Variants in TMEM178B observed in about 807,000 individuals in gnomAD.
TMEM178B encodes transmembrane protein 178B.
A neutral mutation model predicts 31.0 loss-of-function variants in TMEM178B; 5 were observed. That is an observed-to-expected ratio of 0.16 (90% CI 0.08 to 0.34). TMEM178B has a LOEUF of 0.34. Among genes scored for constraint, TMEM178B ranks in the 10% least tolerant of loss-of-function variants. TMEM178B has a pLI of 1.00. For synonymous variants in TMEM178B, 164 were observed against 164.0 expected, an observed-to-expected ratio of 1.00 and a Z score of 0.00; for missense variants, 275 against 400.3, an observed-to-expected ratio of 0.69 and a Z score of 2.67.
chr7:141,462,885 C>T (rs1379481801), intron 3 of TMEM178B, among the ~76,000 whole-genome samples: 3 of 151,734 alleles, frequency 2.0e-5, no homozygotes, highest in South Asian at 2.1e-4. Context: ...ATGGGAGTTG[C>T]GAGGTGATGT....
At chr7:141,361,949 G>T (rs899762688) in intron 2 of TMEM178B, among the ~76,000 whole-genome samples, 2 of 152,196 alleles carry the variant, frequency 1.3e-5, no homozygotes, top group Non-Finnish European at 2.9e-5. Context: ...ATGGAAATTT[G>T]TCTTTGTGAC....
At chr7:141,200,451 A>G (rs1009530579) in intron 1 of TMEM178B, among the ~76,000 whole-genome samples, 2 of 152,024 alleles carry the variant, frequency 1.3e-5, no homozygotes, top group African/African-American at 4.8e-5. Context: ...GGAGCTGTGG[A>G]ATGAAAAGTG....
At chr7:141,507,713 C>G in the TMEM178B span, among the ~76,000 whole-genome samples, 1 of 152,222 alleles carries the variant, frequency 6.6e-6, no homozygotes, top group Non-Finnish European at 1.5e-5. Context: ...AGGCTCAACA[C>G]CACATGGAAG....
intron 1 of TMEM178B, among the ~76,000 whole-genome samples, chr7:141,138,092 C>T (rs560403490): frequency 5.5e-4 from 82 of 149,156 alleles, no homozygotes; most frequent in African/African-American, 1.8e-3. Flanking sequence ...GACAGAGTCT[C>T]GCTCAGTCGC....
intron 2 of TMEM178B, among the ~76,000 whole-genome samples, chr7:141,350,017 A>C (rs935037175): frequency 2.0e-5 from 3 of 152,062 alleles, no homozygotes; most frequent in Admixed American, 6.6e-5. Flanking sequence ...CCATCCATGC[A>C]TCTATCTGTC....
chr7:141,439,629 C>T (rs1243724588), intron 3 of TMEM178B, among the ~76,000 whole-genome samples: 1 of 152,168 alleles, frequency 6.6e-6, no homozygotes, highest in Non-Finnish European at 1.5e-5. Context: ...TGAGTGTTCT[C>T]TCTAAGACTC....
At chr7:141,448,519 A>G (rs1418299287) in intron 3 of TMEM178B, among the ~76,000 whole-genome samples, 2 of 152,162 alleles carry the variant, frequency 1.3e-5, no homozygotes, top group African/African-American at 4.8e-5. Context: ...AAGTTCCTGT[A>G]ATGAAACAAT....
chr7:141,156,532 G>A (rs1796073039), intron 1 of TMEM178B, among the ~76,000 whole-genome samples: 1 of 152,172 alleles, frequency 6.6e-6, no homozygotes, highest in South Asian at 2.1e-4. Context: ...TGGACACCTT[G>A]AAAGATGATG....
intron 2 of TMEM178B, among the ~76,000 whole-genome samples, chr7:141,303,875 A>G (rs771739586): frequency 4.6e-5 from 7 of 152,242 alleles, no homozygotes; most frequent in Non-Finnish European, 1.0e-4. Flanking sequence ...AAGTGCATGC[A>G]ACATATTGCT....
chr7:141,198,220 C>G (rs1346396754), intron 1 of TMEM178B, among the ~76,000 whole-genome samples: 2 of 152,298 alleles, frequency 1.3e-5, no homozygotes, highest in East Asian at 3.9e-4. Flanking sequence ...TGAATCCTCT[C>G]ATTTTTATTG....
intron 1 of TMEM178B, among the ~76,000 whole-genome samples, chr7:141,088,058 G>C (rs1413593579): frequency 6.6e-6 from 1 of 152,058 alleles, no homozygotes; most frequent in Non-Finnish European, 1.5e-5. Context: ...GGTCCCAGGT[G>C]GGTGTTCTGC....
intron 2 of TMEM178B, among the ~76,000 whole-genome samples, chr7:141,284,832 C>G (rs1371938037): frequency 6.6e-6 from 1 of 152,032 alleles, no homozygotes; most frequent in African/African-American, 2.4e-5. Flanking sequence ...TCAAGGATAT[C>G]AAGGGTTATT....
intron 2 of TMEM178B, among the ~76,000 whole-genome samples, chr7:141,267,895 C>T (rs1478966737): frequency 1.3e-5 from 2 of 152,200 alleles, no homozygotes; most frequent in African/African-American, 4.8e-5. Context: ...CAGGTGCCTG[C>T]ACTTAGCAGA....
chr7:141,464,507 A>G (rs1253880498), intron 3 of TMEM178B, among the ~76,000 whole-genome samples: 3 of 152,154 alleles, frequency 2.0e-5, no homozygotes, highest in Admixed American at 2.0e-4. Flanking sequence ...TGCACGTCTC[A>G]TATCTCTGCC....
chr7:141,308,425 G>T (rs1217631835), intron 2 of TMEM178B, among the ~76,000 whole-genome samples: 3 of 152,072 alleles, frequency 2.0e-5, no homozygotes, highest in Non-Finnish European at 2.9e-5. Context: ...TAGAGACAGG[G>T]TCTCACTCTG....
At chr7:141,368,053 TCACGC>T (rs1325580404) in intron 2 of TMEM178B, among the ~76,000 whole-genome samples, 3 of 152,142 alleles carry the variant, frequency 2.0e-5, no homozygotes, top group Non-Finnish European at 2.9e-5. Context: ...GCACAGTAGC[TCACGC>T]CTGTAATCCC....
intron 3 of TMEM178B, among the ~76,000 whole-genome samples, chr7:141,448,719 C>T (rs1801806801): frequency 6.6e-6 from 1 of 152,136 alleles, no homozygotes; most frequent in Non-Finnish European, 1.5e-5. Flanking sequence ...ACCTGGCCTG[C>T]CTCCACCACC....
rs375425325 is a variant in TMEM178B, at chr7:141,224,280, C to T, written c.496+11576C>T. ...TCAGCAGAGTGAAAACAGACTAATA[C>T]ATAAACCAACTTAAATTTGTGTGTG... is the stretch of plus-strand genomic sequence containing the variant. On this transcript the variant is annotated intron_variant, in intron 2 of 3. Coordinates refer to ENST00000565468, the MANE Select transcript of TMEM178B (RefSeq NM_001195278.2). Among the ~76,000 whole-genome samples the T allele has an allele frequency of 7.2e-4, 109 of 152,328 alleles. No homozygotes were observed. In the South Asian group the frequency reaches 0.021, roughly 29 times the overall value.
chr7:141,154,871 A>G (rs943715612), intron 1 of TMEM178B, among the ~76,000 whole-genome samples: 10 of 151,966 alleles, frequency 6.6e-5, no homozygotes, highest in African/African-American at 2.4e-4. Context: ...CTGGGACCAC[A>G]GGCGCACACC....
Sources: allele counts gnomAD v4.1 joint callset (sites outside exome capture counted in the v4.1 genomes callset), GRCh38; gene constraint gnomAD v4.1.1; transcripts MANE v1.5; gene names NCBI Gene and HGNC (gene_info 2026-07-23, HGNC 2026-07-21).